KATNAL1: variants seen among roughly 807,000 people sequenced by gnomAD.
KATNAL1 encodes katanin p60 ATPase-containing subunit A-like 1.
Under a neutral mutation model 55.2 loss-of-function variants are expected in KATNAL1, and 32 were observed. The ratio of observed to expected loss-of-function variants is 0.58; its 90% CI spans 0.44 to 0.78. The LOEUF is 0.78. KATNAL1 is among the 30% of genes least tolerant of loss of function. The probability of loss-of-function intolerance (pLI) is 0.00; values close to 1 mark genes in which losing one functional copy is unlikely to be tolerated. For synonymous variants in KATNAL1, 193 were observed against 193.6 expected (o/e 1.00, Z 0.02); for missense variants, 466 against 600.9 (o/e 0.78, Z 2.35).
intron 9 of KATNAL1, among the ~76,000 whole-genome samples, chr13:30,215,933 A>C (rs1241873693): frequency 6.6e-6 from 1 of 152,128 alleles, no homozygotes; most frequent in South Asian, 2.1e-4. Context: ...AATAATAATA[A>C]AATTTTAAAA....
In KATNAL1 at chr13:30,231,380, C is replaced by T. The variant is rs758914504; in HGVS notation, c.819G>A (p.Ser273=). 8.7e-6 allele frequency: 14 copies of T among 1,609,564 alleles called. No individual in the cohort carries two copies. The highest frequency in any genetic ancestry group is 1.1e-5 in the South Asian group (1 of 89,726). ...TGTATTTAGATGTCAGTGTAGAAGA[C>T]GAAACGTTGAAGAATGTTGTACCAC... is the stretch of plus-strand genomic sequence containing the variant. ...TECGTTFFNV[S]SSTLTSKYRG... Residue 273 remains serine (S), a synonymous_variant, in exon 7 of 11, where the codon TCG becomes TCA. Coordinates refer to ENST00000380615, the MANE Select transcript of KATNAL1 (RefSeq NM_032116.5).
At chr13:30,209,456 T>A (rs1873450547) in intron 10 of KATNAL1, among the ~76,000 whole-genome samples, 1 of 152,032 alleles carries the variant, frequency 6.6e-6, no homozygotes, top group Non-Finnish European at 1.5e-5. Flanking sequence ...ATGGGAAAAA[T>A]GCGAGCAGAA....
At chr13:30,249,666 G>A (rs1298946070) in intron 4 of KATNAL1, among the ~76,000 whole-genome samples, 1 of 152,150 alleles carries the variant, frequency 6.6e-6, no homozygotes, top group Non-Finnish European at 1.5e-5. Context: ...TCCAAAATGG[G>A]CATAATTAAT....
At chr13:30,264,515 C>A (rs974109819) in intron 3 of KATNAL1, among the ~76,000 whole-genome samples, 1 of 148,514 alleles carries the variant, frequency 6.7e-6, no homozygotes, top group East Asian at 1.9e-4. Context: ...ACAATGAACT[C>A]AAATTTACAA....
chr13:30,279,877 G>A (rs149279483), intron 3 of KATNAL1, among the ~76,000 whole-genome samples, 186 bp downstream of exon 3: 1 of 152,300 alleles, frequency 6.6e-6, no homozygotes, highest in African/African-American at 2.4e-5. Flanking sequence ...AGCAAGATAT[G>A]TAACAAGTCA....
intron 1 of KATNAL1, among the ~76,000 whole-genome samples, chr13:30,292,624 C>G (rs1225890634): frequency 1.3e-5 from 2 of 152,172 alleles, no homozygotes; most frequent in Non-Finnish European, 2.9e-5. Context: ...GGCTGTTCAA[C>G]TTGGTACCTC....
chr13:30,261,660 C>G (rs866104641), intron 3 of KATNAL1, among the ~76,000 whole-genome samples: 1,968 of 152,154 alleles, frequency 0.013, 35 homozygotes, highest in African/African-American at 0.044. Context: ...TCAACAAGAA[C>G]AGCTAACTAT....
intron 4 of KATNAL1, among the ~76,000 whole-genome samples, chr13:30,245,032 G>A (rs61946932): frequency 2.4e-3 from 362 of 151,360 alleles, no homozygotes; most frequent in Non-Finnish European, 4.6e-3. Flanking sequence ...AAAAAAAAGG[G>A]ACTCTTCCCT....
intron 9 of KATNAL1, among the ~76,000 whole-genome samples, chr13:30,215,071 T>C (rs990678615): frequency 4.7e-5 from 7 of 150,044 alleles, no homozygotes; most frequent in African/African-American, 1.7e-4. Context: ...TCAAACAAAT[T>C]TACAAGAAAA....
chr13:30,212,274 G>A (rs1873763478), intron 9 of KATNAL1, among the ~76,000 whole-genome samples: 1 of 152,202 alleles, frequency 6.6e-6, no homozygotes, highest in African/African-American at 2.4e-5. Context: ...TACAGAGTTT[G>A]AGAAGATATT....
At chr13:30,262,748 G>T (rs1706530444) in intron 3 of KATNAL1, among the ~76,000 whole-genome samples, 1 of 151,568 alleles carries the variant, frequency 6.6e-6, no homozygotes, top group South Asian at 2.1e-4. Flanking sequence ...ACCAAAAAGA[G>T]TCCAGGACCA....
At chr13:30,230,427 T>TA in intron 8 of KATNAL1, 41 bp downstream of exon 8, 1 of 1,580,760 alleles carries the variant, frequency 6.3e-7, no homozygotes, top group Non-Finnish European at 8.6e-7. Flanking sequence ...ACAAAATATT[T>TA]AAAAATGAGA....
chr13:30,249,982 C>T (rs150180034), intron 4 of KATNAL1, among the ~76,000 whole-genome samples: 137 of 152,206 alleles, frequency 9.0e-4, no homozygotes, highest in Middle Eastern at 6.8e-3. Flanking sequence ...GAAATAAATA[C>T]GCAAAACTCC....
chr13:30,229,693 G>A (rs1330372214), intron 8 of KATNAL1, among the ~76,000 whole-genome samples: 6 of 151,954 alleles, frequency 3.9e-5, no homozygotes, highest in Admixed American at 3.3e-4. Flanking sequence ...ACTCCAGCCT[G>A]GACAACACAG....
intron 3 of KATNAL1, among the ~76,000 whole-genome samples, chr13:30,272,956 T>C (rs1473820362): frequency 1.3e-5 from 2 of 152,152 alleles, no homozygotes; most frequent in Non-Finnish European, 2.9e-5. Flanking sequence ...TGCCCACCTC[T>C]CTACAACCAC....
At chr13:30,266,040 T>A (rs2137491672) in intron 3 of KATNAL1, among the ~76,000 whole-genome samples, 3 of 133,640 alleles carry the variant, frequency 2.2e-5, no homozygotes, top group East Asian at 2.4e-4. Flanking sequence ...AAAAAAAGTC[T>A]CACTCACTCT....
intron 9 of KATNAL1, among the ~76,000 whole-genome samples, chr13:30,218,985 A>T (rs1303088793): frequency 6.6e-6 from 1 of 152,168 alleles, no homozygotes; most frequent in Non-Finnish European, 1.5e-5. Context: ...CTTACCACCA[A>T]TTTCTAATTC....
At chr13:30,257,028 A>G (rs577809957) in intron 3 of KATNAL1, among the ~76,000 whole-genome samples, 1 of 152,328 alleles carries the variant, frequency 6.6e-6, no homozygotes, top group African/African-American at 2.4e-5. Flanking sequence ...AATTTAAAGT[A>G]TTATTACATT....
chr13:30,238,097 C>T (rs1044238243), intron 6 of KATNAL1, among the ~76,000 whole-genome samples: 1 of 152,174 alleles, frequency 6.6e-6, no homozygotes, highest in African/African-American at 2.4e-5. Context: ...TTTTTCCCAA[C>T]TCACTAATTT....
Sources: allele counts gnomAD v4.1 joint callset (sites outside exome capture counted in the v4.1 genomes callset), GRCh38; gene constraint gnomAD v4.1.1; transcripts MANE v1.5; gene names NCBI Gene and HGNC (gene_info 2026-07-23, HGNC 2026-07-21).